Variants in CBLB observed in about 807,000 individuals in gnomAD.
The protein encoded by CBLB is E3 ubiquitin-protein ligase CBL-B.
CBLB carries 31 observed loss-of-function variants against 104.9 expected under a neutral mutation model. The observed-to-expected ratio is 0.30, with a 90% confidence interval of 0.22 to 0.40. The LOEUF (loss-of-function observed/expected upper bound fraction) is 0.40. CBLB is among the 10% of genes least tolerant of loss of function. The pLI, the probability that CBLB is intolerant of heterozygous loss-of-function variation, is 1.00. For missense variants in CBLB, 1,062 were observed against 1,214.6 expected (o/e 0.87, Z 1.87); for synonymous variants, 440 against 422.6 (o/e 1.04, Z -0.51).
chr3:105,745,651 AC>A (rs903083866), intron 6 of CBLB, among the ~76,000 whole-genome samples: 1 of 152,246 alleles, frequency 6.6e-6, no homozygotes, highest in African/African-American at 2.4e-5. Context: ...TCAAATATAT[AC>A]ATTCAATTTT....
rs537376861 is a variant in CBLB, at chr3:105,685,364, C to T, written c.2157G>A (p.Leu719=). 1 of 1,613,716 alleles carries T rather than the reference C, an allele frequency of 6.2e-7. No homozygotes were observed. The highest frequency in any genetic ancestry group is 1.7e-4 in the Middle Eastern group (1 of 6,056). The change falls in exon 14 of 19, where the codon CTG becomes CTA. Residue 719 remains leucine, a synonymous_variant. Transcript: ENST00000394030. ...TATGACAATGAGATGGTTGTGAATT[C>T]AGGGAAACAGGGTGGGATGAAGGAA... ...YKIPSSHPVS[L]NSQPSHCHNV...
chr3:105,678,812 T>G (rs1465962879), intron 16 of CBLB, among the ~76,000 whole-genome samples: 1 of 152,072 alleles, frequency 6.6e-6, no homozygotes, highest in Admixed American at 6.6e-5. Flanking sequence ...CCATGCAAAC[T>G]TTTTCTATCA....
In CBLB at chr3:105,657,839, A is replaced by C. The variant is rs867037629; in HGVS notation, c.*1131T>G. ...AGAAAATTACTGAGAACTTTGCAAA[A>C]AACATTGCCACAGTAGCCTTGACAC... On this transcript the variant is annotated 3_prime_UTR_variant, in exon 19 of 19. Transcript: ENST00000394030. 1.9e-5 allele frequency: 4 copies of C among 207,806 alleles called. No homozygotes were observed. The highest frequency in any genetic ancestry group is 5.9e-5 in the Admixed American group (1 of 16,864). 12.9% of individuals were successfully genotyped at this position (207,806 alleles called of 1,614,324 possible).
chr3:105,739,689 C>T (rs2075322311), intron 7 of CBLB, among the ~76,000 whole-genome samples: 1 of 151,610 alleles, frequency 6.6e-6, no homozygotes, highest in South Asian at 2.1e-4. Flanking sequence ...AACATATAGT[C>T]CTGAATATGG....
chr3:105,774,754 A>G (rs982253298), intron 4 of CBLB, among the ~76,000 whole-genome samples: 4 of 149,694 alleles, frequency 2.7e-5, no homozygotes, highest in Admixed American at 2.7e-4. Flanking sequence ...CTCCTCTCTT[A>G]AAAAAAACCT....
upstream of CBLB, chr3:105,869,223 A>C: frequency 3.1e-6 from 2 of 649,300 alleles, no homozygotes; most frequent in Non-Finnish European, 5.2e-6. Context: ...CGCTCGCAGC[A>C]CGTCAGAAAG....
chr3:105,846,781 T>C (rs1026439520), intron 3 of CBLB, among the ~76,000 whole-genome samples: 1 of 152,082 alleles, frequency 6.6e-6, no homozygotes, highest in African/African-American at 2.4e-5. Context: ...GTAATTGATG[T>C]AGCATTATAA....
chr3:105,863,761 CT>C (rs2092267231), intron 2 of CBLB, among the ~76,000 whole-genome samples: 1 of 152,142 alleles, frequency 6.6e-6, no homozygotes, highest in Non-Finnish European at 1.5e-5. Context: ...TTCCTAAATG[CT>C]TTTTAAATTC....
chr3:105,806,019 T>C (rs1239474270), intron 3 of CBLB, among the ~76,000 whole-genome samples: 1 of 151,726 alleles, frequency 6.6e-6, no homozygotes, highest in Non-Finnish European at 1.5e-5. Flanking sequence ...TGCCTATTCC[T>C]CCCATGGTCT....
chr3:105,866,238 C>T (rs2092420037), intron 2 of CBLB, among the ~76,000 whole-genome samples: 1 of 152,150 alleles, frequency 6.6e-6, no homozygotes, highest in African/African-American at 2.4e-5. Flanking sequence ...TGTGTCCCTT[C>T]CATCAGAATA....
intron 3 of CBLB, among the ~76,000 whole-genome samples, chr3:105,778,114 A>AGTGT (rs371751540): frequency 6.6e-6 from 1 of 150,698 alleles, no homozygotes; most frequent in African/African-American, 2.4e-5. Flanking sequence ...AGAGAGAGAG[A>AGTGT]GTGTGTGTGT....
At chr3:105,688,224 C>T (rs548982859) in intron 13 of CBLB, among the ~76,000 whole-genome samples, 2 of 151,994 alleles carry the variant, frequency 1.3e-5, no homozygotes, top group East Asian at 3.9e-4. Context: ...CTTATTACTG[C>T]AATCCCTTTA....
intron 12 of CBLB, among the ~76,000 whole-genome samples, chr3:105,697,219 T>C (rs932768364): frequency 3.3e-5 from 5 of 151,960 alleles, no homozygotes; most frequent in Admixed American, 6.6e-5. Context: ...ATAGTGGAAG[T>C]GTAGACTTGT....
chr3:105,730,132 A>T (rs1187444732), intron 9 of CBLB, among the ~76,000 whole-genome samples: 2 of 149,260 alleles, frequency 1.3e-5, no homozygotes, highest in African/African-American at 4.9e-5. Context: ...TACTGTGCAT[A>T]TTTTTTTTTT....
rs2079483144 is a variant in CBLB, at chr3:105,776,521, G to A, written c.441C>T (p.Ser147=). Residue 147 remains serine, a synonymous_variant, in exon 4 of 19, where the codon TCC becomes TCT. Coordinates refer to ENST00000394030, the MANE Select transcript of CBLB (RefSeq NM_170662.5). ...CTGCCAGCATGTGACTGAAGATAAG[G>A]GACAGTTTTGTGAGATTTCGTCTGT... ...SQDRRNLTKL[S]LIFSHMLAEI... The A allele has an allele frequency of 5.0e-6, 8 of 1,613,660 alleles. No individual in the cohort carries two copies. The highest frequency in any genetic ancestry group is 5.9e-6 in the Non-Finnish European group (7 of 1,179,878).
chr3:105,657,166 CAAAGG>C lies in CBLB; in HGVS notation c.*1799_*1803del. On this transcript the variant is annotated 3_prime_UTR_variant, in exon 19 of 19. Coordinates refer to ENST00000394030, the MANE Select transcript of CBLB (RefSeq NM_170662.5). ...CAAAAAAAGGGCACATGTCACTTTG[CAAAGG>C]AATGTATTAACTCCTCTCCCAGGGT... is the stretch of plus-strand genomic sequence containing the variant. 4.5e-6 allele frequency: 1 copy of C among 223,990 alleles called. No homozygotes were observed. The highest frequency in any genetic ancestry group is 8.9e-6 in the Non-Finnish European group (1 of 112,222). 13.9% of individuals were successfully genotyped at this position (223,990 alleles called of 1,614,324 possible).
chr3:105,791,664 T>G (rs2081655954), intron 3 of CBLB, among the ~76,000 whole-genome samples: 2 of 152,204 alleles, frequency 1.3e-5, no homozygotes, highest in African/African-American at 4.8e-5. Context: ...CATTTTTCCA[T>G]TAAGTTTTAT....
chr3:105,785,976 G>C (rs1001211658), intron 3 of CBLB, among the ~76,000 whole-genome samples: 4 of 146,704 alleles, frequency 2.7e-5, no homozygotes, highest in Non-Finnish European at 6.0e-5. Flanking sequence ...ACACAGACTG[G>C]TTGCCAGTGG....
intron 7 of CBLB, among the ~76,000 whole-genome samples, chr3:105,737,528 T>C (rs1406422053): frequency 1.3e-5 from 2 of 152,126 alleles, no homozygotes; most frequent in Non-Finnish European, 2.9e-5. Flanking sequence ...TATATGTCTC[T>C]TATATAAGTT....
Sources: gnomAD v4.1 joint callset for allele counts (sites outside exome capture counted in the v4.1 genomes callset) on GRCh38, gnomAD v4.1.1 for gene constraint, MANE v1.5 for transcripts, NCBI Gene and HGNC (gene_info 2026-07-23, HGNC 2026-07-21) for gene names.